The following ARHGAP18 variants were observed in gnomAD, a reference collection of about 807,000 sequenced individuals.
ARHGAP18 encodes the protein Rho GTPase activating protein 18.
A neutral mutation model predicts 86.2 loss-of-function variants in ARHGAP18; 67 were observed. That is an observed-to-expected ratio of 0.78 (90% CI 0.64 to 0.95). The LOEUF (loss-of-function observed/expected upper bound fraction) is 0.95. ARHGAP18 is among the 40% of genes least tolerant of loss of function. ARHGAP18 has a pLI of 0.00. For synonymous variants in ARHGAP18, 283 were observed against 280.4 expected (o/e 1.01, Z -0.09); for missense variants, 691 against 780.4 (o/e 0.89, Z 1.37).
At chr6:129,705,902 T>C (rs530561041) in intron 1 of ARHGAP18, among the ~76,000 whole-genome samples, 1 of 152,294 alleles carries the variant, frequency 6.6e-6, no homozygotes, top group South Asian at 2.1e-4. Flanking sequence ...CCAGACAGGT[T>C]GGCCCCAGAA....
intron 1 of ARHGAP18, among the ~76,000 whole-genome samples, chr6:129,655,953 C>T (rs1428945776): frequency 6.6e-6 from 1 of 152,124 alleles, no homozygotes; most frequent in Non-Finnish European, 1.5e-5. Context: ...TTTTCCATTT[C>T]AAGTAACACA....
At chr6:129,592,807 C>T (rs147541776) in intron 12 of ARHGAP18, among the ~76,000 whole-genome samples, 3 of 152,138 alleles carry the variant, frequency 2.0e-5, no homozygotes, top group Non-Finnish European at 2.9e-5. Flanking sequence ...AAAGCTGCCC[C>T]CTACATTCTT....
chr6:129,611,698 C>T, intron 7 of ARHGAP18, 88 bp from the exon 8 acceptor site: 1 of 1,109,628 alleles, frequency 9.0e-7, no homozygotes, highest in South Asian at 1.3e-5. Context: ...ATAAATAAAA[C>T]TGATTACAAT....
intron 5 of ARHGAP18, among the ~76,000 whole-genome samples, chr6:129,626,688 CACACACACACAG>C (rs1274673910): frequency 1.3e-5 from 2 of 150,932 alleles, no homozygotes; most frequent in African/African-American, 2.5e-5. Context: ...CACACACACA[CACACACACACAG>C]ACAAATAGAA....
chr6:129,703,121 G>A (rs954707784), intron 1 of ARHGAP18, among the ~76,000 whole-genome samples: 2 of 152,192 alleles, frequency 1.3e-5, no homozygotes, highest in Non-Finnish European at 2.9e-5. Flanking sequence ...GGACAGCCTT[G>A]GCCTCTAGGG....
chr6:129,696,783 T>A (rs1241644413), intron 1 of ARHGAP18, among the ~76,000 whole-genome samples: 1 of 151,968 alleles, frequency 6.6e-6, no homozygotes, highest in African/African-American at 2.4e-5. Flanking sequence ...AGCTCCAGGG[T>A]AAGGGGATTC....
At chr6:129,683,441 G>A (rs542472904) in intron 1 of ARHGAP18, among the ~76,000 whole-genome samples, 3 of 152,228 alleles carry the variant, frequency 2.0e-5, no homozygotes, top group East Asian at 1.9e-4. Context: ...TGCCAAGTAC[G>A]GGCTTTTTTT....
chr6:129,577,593 A>C lies in ARHGAP18; in HGVS notation c.*920T>G, dbSNP rs1788204401. The C allele has an allele frequency of 6.6e-6, 1 of 152,166 alleles. No individual in the cohort carries two copies. The highest frequency in any genetic ancestry group is 1.5e-5 in the Non-Finnish European group (1 of 68,010). The allele number at this position is 152,166 out of a possible 1,614,324, so 9.4% of individuals were successfully genotyped here. A position where few individuals can be genotyped will look rare whatever the true frequency, so the allele number is the denominator to read the frequency against. On this transcript the variant is annotated 3_prime_UTR_variant, in exon 15 of 15. Coordinates refer to ENST00000368149, the MANE Select transcript of ARHGAP18 (RefSeq NM_033515.3). ...GTAGACTTATTCAGGACTTAAAAAA[A>C]AAAATCCCTCTTTAAGTAAAATACA...
chr6:129,676,838 C>T (rs953736286), intron 1 of ARHGAP18, among the ~76,000 whole-genome samples: 1 of 147,744 alleles, frequency 6.8e-6, no homozygotes, highest in Non-Finnish European at 1.5e-5. Flanking sequence ...AAATCTATAA[C>T]TGCAAGGTAA....
chr6:129,625,376 TTATA>T lies in ARHGAP18; in HGVS notation c.786+3973_786+3976del, dbSNP rs1216350831. Reference sequence around the variant, plus strand: ...TATATATTATGTATATTTATATATATTATATATTATATATTTATACATATGTATT... The same window carrying T: ...TATATATTATGTATATTTATATATATTATTATATATTTATACATATGTATT... On this transcript the variant is annotated intron_variant, in intron 5 of 14. Transcript: ENST00000368149. Among the ~76,000 whole-genome samples the T allele has an allele frequency of 1.0e-4, 8 of 79,238 alleles. 1 individual carries two copies. The Admixed American group carries it at 1.9e-3, about 19-fold the overall frequency. The allele number at this position is 79,238 out of a possible 152,430, so 52.0% of individuals were successfully genotyped here.
chr6:129,613,614 C>T (rs1789029992), intron 7 of ARHGAP18, among the ~76,000 whole-genome samples: 2 of 152,114 alleles, frequency 1.3e-5, no homozygotes, highest in Non-Finnish European at 2.9e-5. Context: ...ATATTTGAGT[C>T]CTTTTCATTA....
intron 9 of ARHGAP18, among the ~76,000 whole-genome samples, chr6:129,606,600 T>C (rs537342602): frequency 6.6e-6 from 1 of 152,344 alleles, no homozygotes; most frequent in East Asian, 1.9e-4. Flanking sequence ...ATTTGGTCCT[T>C]TAATCCATAT....
chr6:129,624,161 AT>A, intron 5 of ARHGAP18, among the ~76,000 whole-genome samples: 1 of 152,316 alleles, frequency 6.6e-6, no homozygotes, highest in African/African-American at 2.4e-5. Flanking sequence ...CAATGACTTC[AT>A]TTTGTTTAAT....
chr6:129,619,069 A>G (rs182093844), intron 5 of ARHGAP18, among the ~76,000 whole-genome samples: 238 of 151,014 alleles, frequency 1.6e-3, no homozygotes, highest in Non-Finnish European at 2.9e-3. Context: ...TCTGACAGAC[A>G]ACGGGAACAG....
intron 1 of ARHGAP18, among the ~76,000 whole-genome samples, chr6:129,676,911 TC>T (rs1260972292): frequency 4.6e-5 from 3 of 65,354 alleles, no homozygotes; most frequent in African/African-American, 8.2e-5. Flanking sequence ...AAATTTTTTG[TC>T]CTCTTTTTTT....
At chr6:129,628,603 T>A (rs573646064) in intron 5 of ARHGAP18, among the ~76,000 whole-genome samples, 1 of 152,258 alleles carries the variant, frequency 6.6e-6, no homozygotes, top group Admixed American at 6.5e-5. Flanking sequence ...ATACCATGCA[T>A]CTCTTCTGAT....
chr6:129,579,629 G>A (rs1042747981), intron 14 of ARHGAP18, among the ~76,000 whole-genome samples: 1 of 152,150 alleles, frequency 6.6e-6, no homozygotes, highest in Non-Finnish European at 1.5e-5. Context: ...GAGTGTGTGT[G>A]CATGTGTATA....
intron 1 of ARHGAP18, among the ~76,000 whole-genome samples, chr6:129,663,895 T>G (rs1405191812): frequency 6.6e-6 from 1 of 152,280 alleles, no homozygotes. Flanking sequence ...CAGGGTGACC[T>G]GGCAGCCAGA....
intron 12 of ARHGAP18, among the ~76,000 whole-genome samples, chr6:129,596,188 T>C (rs544013348): frequency 6.6e-6 from 1 of 152,264 alleles, no homozygotes; most frequent in Non-Finnish European, 1.5e-5. Context: ...CTAATGATGG[T>C]CTATCTACAA....
Sources: allele counts gnomAD v4.1 joint callset (sites outside exome capture counted in the v4.1 genomes callset), GRCh38; gene constraint gnomAD v4.1.1; transcripts MANE v1.5; gene names NCBI Gene and HGNC (gene_info 2026-07-23, HGNC 2026-07-21).